Variants in FBLN5 observed in about 807,000 individuals in gnomAD.
FBLN5 encodes the protein fibulin 5, also known as fibulin-5.
FBLN5 carries 24 observed loss-of-function variants against 61.6 expected under a neutral mutation model. That is an observed-to-expected ratio of 0.39 (90% confidence interval 0.28 to 0.55). The LOEUF is 0.55. Among genes scored for constraint, FBLN5 ranks in the 20% least tolerant of loss-of-function variants. The probability of loss-of-function intolerance (pLI) is 0.65; values close to 1 mark genes in which losing one functional copy is unlikely to be tolerated. For missense variants in FBLN5, 470 were observed against 594.1 expected (o/e 0.79, Z 2.17); for synonymous variants, 213 against 219.8 (o/e 0.97, Z 0.27).
chr14:91,920,036 G>A (rs551398260), intron 4 of FBLN5, among the ~76,000 whole-genome samples: 4 of 152,186 alleles, frequency 2.6e-5, no homozygotes, highest in African/African-American at 7.2e-5. Context: ...ACTTATTAGC[G>A]TGCGTGTGGC....
intron 4 of FBLN5, among the ~76,000 whole-genome samples, chr14:91,928,135 C>T (rs542522061): frequency 1.3e-5 from 2 of 152,224 alleles, no homozygotes; most frequent in Non-Finnish European, 2.9e-5. Flanking sequence ...TTGGTAGGGT[C>T]CCGGCAGGTG....
At chr14:91,929,433 G>A (rs904938940) in intron 4 of FBLN5, among the ~76,000 whole-genome samples, 11 of 152,040 alleles carry the variant, frequency 7.2e-5, no homozygotes, top group Non-Finnish European at 1.6e-4. Flanking sequence ...CCCAGATTAC[G>A]ACCCTTAGTA....
rs749559940 is a variant in FBLN5, at chr14:91,931,615, C to T, written c.379+5332G>A. ...AAATGGCCGGAATTTCTGCAGTCCCCGGAGTAGCAGGGCTCTAGTAAAAGG... is the reference window on the plus strand; with the variant it reads ...AAATGGCCGGAATTTCTGCAGTCCCTGGAGTAGCAGGGCTCTAGTAAAAGG... On this transcript the variant is annotated intron_variant, in intron 4 of 10. Transcript: ENST00000342058. Among the ~76,000 whole-genome samples, 9 of 152,324 alleles carry T rather than the reference C, an allele frequency of 5.9e-5. 1 individual carries two copies. The highest frequency in any genetic ancestry group is 3.3e-4 in the Admixed American group (5 of 15,304).
intron 4 of FBLN5, among the ~76,000 whole-genome samples, chr14:91,906,817 A>C (rs559850127): frequency 6.6e-6 from 1 of 152,112 alleles, no homozygotes; most frequent in Non-Finnish European, 1.5e-5. Flanking sequence ...ACTGCCCCCA[A>C]TGCCTCTGCT....
At chr14:91,904,744 C>T (rs1890607339) in intron 4 of FBLN5, among the ~76,000 whole-genome samples, 1 of 152,218 alleles carries the variant, frequency 6.6e-6, no homozygotes, top group African/African-American at 2.4e-5. Flanking sequence ...CTCATCCAAA[C>T]GCAGTCACCT....
intron 4 of FBLN5, among the ~76,000 whole-genome samples, chr14:91,918,182 A>C (rs948600984): frequency 5.9e-5 from 9 of 152,212 alleles, no homozygotes; most frequent in African/African-American, 2.2e-4. Flanking sequence ...CTGATGGTAC[A>C]TTCCTCATCC....
At chr14:91,930,821 T>G (rs1427825616) in intron 4 of FBLN5, among the ~76,000 whole-genome samples, 1 of 152,132 alleles carries the variant, frequency 6.6e-6, no homozygotes, top group African/African-American at 2.4e-5. Flanking sequence ...AGATTCCGAG[T>G]GAAGCCACAT....
chr14:91,886,822 C>T (rs750317783), intron 7 of FBLN5, among the ~76,000 whole-genome samples: 1 of 152,166 alleles, frequency 6.6e-6, no homozygotes, highest in Non-Finnish European at 1.5e-5. Context: ...TGGGTCACTG[C>T]CCTCTGTAAG....
chr14:91,881,300 G>C lies in FBLN5; in HGVS notation c.981C>G (p.Ile327Met). ...GGGACGCCGTGACTTACTTATCACTGATCCTCAGATAAGGCTCCTCACAGC... is the reference window on the plus strand; with the variant it reads ...GGGACGCCGTGACTTACTTATCACTCATCCTCAGATAAGGCTCCTCACAGC... ...PIRCEEPYLR[I>M]SDNRCMCPAE... Residue 327 changes from isoleucine (I) to methionine (M), a missense_variant, in exon 9 of 11, where the codon ATC (isoleucine) becomes ATG (methionine). Physicochemically the swap from Ile to Met is conservative, Grantham distance 10. Transcript: ENST00000342058. The C allele has an allele frequency of 6.2e-7, 1 of 1,614,138 alleles. No homozygotes were observed. The highest frequency in any genetic ancestry group is 1.1e-5 in the South Asian group (1 of 91,086).
intron 4 of FBLN5, among the ~76,000 whole-genome samples, chr14:91,914,514 G>C (rs1453016735): frequency 6.9e-6 from 1 of 144,462 alleles, no homozygotes. Flanking sequence ...ACAAATATTA[G>C]CTGGGCAGTA....
At chr14:91,876,546 G>A (rs978223428) in intron 10 of FBLN5, among the ~76,000 whole-genome samples, 1 of 152,142 alleles carries the variant, frequency 6.6e-6, no homozygotes, top group African/African-American at 2.4e-5. Flanking sequence ...AAATCTACTC[G>A]CAGGTGTTAA....
Position 91,937,022 on chromosome 14 carries a change from G to C in FBLN5, c.304C>G (p.Pro102Ala). 6.2e-7 allele frequency: 1 copy of C among 1,614,156 alleles called. No individual in the cohort carries two copies. Among genetic ancestry groups the C allele is most frequent in the Non-Finnish European group, 8.5e-7 (1 of 1,180,026 alleles). ...GGCCTGGAGATCGTGGGATAGTTTG[G>C]AGCTGAGAGTGGTGGGGCAGCTGCT... ...YPAAAPPLSA[P>A]NYPTISRPLI... The change falls in exon 4 of 11, where the codon CCA (proline) becomes GCA (alanine). Residue 102 changes from proline (P) to alanine (A), a missense_variant. Pro to Ala is a conservative substitution (Grantham distance 27). Coordinates refer to ENST00000342058, the MANE Select transcript of FBLN5 (RefSeq NM_006329.4).
At chr14:91,901,709 G>A (rs752050219) in intron 4 of FBLN5, among the ~76,000 whole-genome samples, 1 of 152,186 alleles carries the variant, frequency 6.6e-6, no homozygotes, top group Non-Finnish European at 1.5e-5. Context: ...TAGGGCATCT[G>A]CACTCCATGT....
chr14:91,936,805 G>T, intron 4 of FBLN5, 142 bp downstream of exon 4: 1 of 1,043,250 alleles, frequency 9.6e-7, no homozygotes, highest in Non-Finnish European at 1.5e-6. Context: ...TGCTAAGAGT[G>T]AAATAAGTAT....
At chr14:91,936,647 A>G (rs2140046978) in intron 4 of FBLN5, among the ~76,000 whole-genome samples, 1 of 152,280 alleles carries the variant, frequency 6.6e-6, no homozygotes, top group Admixed American at 6.5e-5. Context: ...TTGGTCTTTA[A>G]ATATATAGAT....
rs1233867217 is a variant in FBLN5 at position 91,947,027 on chromosome 14, C to G, written c.17+186G>C. ...TAGAAAATACCCACTCCCAAAAGAA[C>G]GCTTCAAGATGGAAATTACAGAGGC... On this transcript the variant is annotated intron_variant, in intron 1 of 10. Coordinates refer to ENST00000342058, the MANE Select transcript of FBLN5 (RefSeq NM_006329.4). This position sits in a 1 kb window ranked among gnomAD's most constrained non-coding sequence, Gnocchi z 4.3. 1 of 1,523,470 alleles carries G rather than the reference C, an allele frequency of 6.6e-7. No homozygotes were observed. The highest frequency in any genetic ancestry group is 2.2e-5 in the Admixed American group (1 of 45,868). The allele number at this position is 1,523,470 out of a possible 1,614,324, so 94.4% of individuals were successfully genotyped here. A position where few individuals can be genotyped will look rare whatever the true frequency, so the allele number is the denominator to read the frequency against.
intron 5 of FBLN5, 34 bp from the exon 6 acceptor site, chr14:91,891,371 T>C (rs763330241): frequency 2.2e-6 from 3 of 1,345,872 alleles, no homozygotes; most frequent in Non-Finnish European, 3.2e-6. Context: ...GTGAGACAGG[T>C]CTCCTCACTC....
intron 4 of FBLN5, among the ~76,000 whole-genome samples, chr14:91,898,124 A>G (rs577210520): frequency 1.3e-5 from 2 of 152,216 alleles, no homozygotes; most frequent in Non-Finnish European, 2.9e-5. Context: ...TTTAAAATTA[A>G]AATTTTAACT....
At chr14:91,933,193 G>A (rs1172077483) in intron 4 of FBLN5, among the ~76,000 whole-genome samples, 2 of 152,124 alleles carry the variant, frequency 1.3e-5, no homozygotes, top group African/African-American at 4.8e-5. Context: ...AACACTACCT[G>A]GATATTTAAT....
Sources: allele counts gnomAD v4.1 joint callset (sites outside exome capture counted in the v4.1 genomes callset), GRCh38; gene constraint gnomAD v4.1.1; non-coding constraint Gnocchi (gnomAD v3.1); transcripts MANE v1.5; gene names NCBI Gene and HGNC (gene_info 2026-07-23, HGNC 2026-07-21).